AFAP1: variants seen among roughly 807,000 people sequenced by gnomAD.
AFAP1 encodes the protein actin filament associated protein 1.
In AFAP1, 75 loss-of-function variants were observed where a neutral mutation model predicts 93.9. The ratio of observed to expected loss-of-function variants is 0.80; its 90% CI spans 0.66 to 0.97. The LOEUF is 0.97. Among genes scored for constraint, AFAP1 ranks in the 50% least tolerant of loss-of-function variants. The probability of loss-of-function intolerance (pLI) is 0.00; values close to 1 mark genes in which losing one functional copy is unlikely to be tolerated. For synonymous variants in AFAP1, 517 were observed against 430.7 expected (o/e 1.20, Z -2.48); for missense variants, 1,201 against 1,050.8 (o/e 1.14, Z -1.98).
intron 12 of AFAP1, among the ~76,000 whole-genome samples, chr4:7,784,865 T>C (rs1717120039): frequency 6.6e-6 from 1 of 152,120 alleles, no homozygotes; most frequent in Non-Finnish European, 1.5e-5. Context: ...GCTATGAATT[T>C]ACGATGCCAG....
intron 9 of AFAP1, among the ~76,000 whole-genome samples, chr4:7,806,023 C>A (rs542990053): frequency 3.0e-4 from 46 of 152,254 alleles, no homozygotes; most frequent in African/African-American, 1.1e-3. Flanking sequence ...AAGGTGGAAA[C>A]GCATTTCCTG....
chr4:7,905,986 GGGGCCT>G (rs1719378972), intron 1 of AFAP1, among the ~76,000 whole-genome samples: 1 of 152,198 alleles, frequency 6.6e-6, no homozygotes, highest in South Asian at 2.1e-4. Flanking sequence ...GGCCAGCCTG[GGGGCCT>G]GCTGAAATGC....
chr4:7,811,208 C>T (rs1209799285), intron 8 of AFAP1, among the ~76,000 whole-genome samples: 1 of 152,162 alleles, frequency 6.6e-6, no homozygotes, highest in African/African-American at 2.4e-5. Flanking sequence ...CAAACCCCAG[C>T]GCCCGACCCT....
At chr4:7,883,901 T>G (rs1277800571) in intron 1 of AFAP1, among the ~76,000 whole-genome samples, 1 of 152,190 alleles carries the variant, frequency 6.6e-6, no homozygotes, top group Admixed American at 6.5e-5. Context: ...AGTTAACAAA[T>G]ATATTTCGAG....
intron 7 of AFAP1, among the ~76,000 whole-genome samples, chr4:7,816,870 A>AG (rs1395501826): frequency 1.3e-5 from 2 of 152,198 alleles, no homozygotes; most frequent in Non-Finnish European, 2.9e-5. Flanking sequence ...TCGGAATTCG[A>AG]GGGGCAATCC....
chr4:7,932,457 C>CAA (rs1721129900), intron 1 of AFAP1, among the ~76,000 whole-genome samples: 1 of 152,194 alleles, frequency 6.6e-6, no homozygotes, highest in African/African-American at 2.4e-5. Flanking sequence ...CAGCTGTTTC[C>CAA]ATTCTAGAAA....
At chr4:7,886,473 G>A (rs1369998945) in intron 1 of AFAP1, among the ~76,000 whole-genome samples, 5 of 152,288 alleles carry the variant, frequency 3.3e-5, no homozygotes, top group African/African-American at 1.2e-4. Flanking sequence ...AGGAAAGCCT[G>A]TGTTTATAAA....
chr4:7,927,497 A>C (rs1010127509), intron 1 of AFAP1, among the ~76,000 whole-genome samples: 2 of 152,232 alleles, frequency 1.3e-5, no homozygotes. Flanking sequence ...TTCAACGGAC[A>C]CGTATTGAAC....
intron 1 of AFAP1, among the ~76,000 whole-genome samples, chr4:7,913,178 C>G (rs1029889608): frequency 6.6e-6 from 1 of 152,176 alleles, no homozygotes; most frequent in Non-Finnish European, 1.5e-5. Context: ...CACTTGAACC[C>G]AGGAATTCCA....
At chr4:7,863,412 G>A (rs1284466100) in intron 3 of AFAP1, among the ~76,000 whole-genome samples, 1 of 152,080 alleles carries the variant, frequency 6.6e-6, no homozygotes. Context: ...AAGCGAGACT[G>A]CCAAGAAAGA....
At chr4:7,900,008 G>A (rs1206064040) in intron 1 of AFAP1, among the ~76,000 whole-genome samples, 2 of 152,146 alleles carry the variant, frequency 1.3e-5, no homozygotes, top group Non-Finnish European at 2.9e-5. Flanking sequence ...TCAAAGGCAT[G>A]TGCTTCCCTA....
At chr4:7,910,922 A>G (rs1165357848) in intron 1 of AFAP1, among the ~76,000 whole-genome samples, 2 of 152,192 alleles carry the variant, frequency 1.3e-5, no homozygotes, top group Non-Finnish European at 2.9e-5. Context: ...CACTCTCCTC[A>G]GTAATCACTC....
At chr4:7,899,222 C>A (rs1476165104) in intron 1 of AFAP1, among the ~76,000 whole-genome samples, 1 of 151,962 alleles carries the variant, frequency 6.6e-6, no homozygotes, top group Non-Finnish European at 1.5e-5. Context: ...AAGTTTTGCA[C>A]CTATAGGCGC....
chr4:7,857,714 C>T (rs907989513), intron 3 of AFAP1, among the ~76,000 whole-genome samples: 28 of 152,130 alleles, frequency 1.8e-4, no homozygotes, highest in African/African-American at 5.6e-4. Context: ...ATTCCTGAAA[C>T]GCAGGGTATT....
In AFAP1 at chr4:7,809,717, C is replaced by T. The variant is rs143460564; in HGVS notation, c.951G>A (p.Ser317=). The change falls in exon 9 of 18, where the codon TCG becomes TCA. Residue 317 remains serine, a synonymous_variant. Transcript: ENST00000420658. ...SSKSEAKGTV[S]KVTGKKITKI... ...TGGTGATTTTTTTCCCAGTGACTTT[C>T]GACACAGTGCCCTTGGCCTCTGATT... 31 of 1,613,924 alleles carry T rather than the reference C, an allele frequency of 1.9e-5. No individual in the cohort carries two copies. Among genetic ancestry groups the T allele is most frequent in the African/African-American group, 1.2e-4 (9 of 74,986 alleles).
chr4:7,815,986 G>A (rs1255560711), intron 8 of AFAP1, 32 bp downstream of exon 8: 2 of 1,547,968 alleles, frequency 1.3e-6, no homozygotes, highest in Non-Finnish European at 1.8e-6. Context: ...TTTTTTTAGT[G>A]TATATATGTT....
At chr4:7,816,737 G>A (rs4074746) in intron 7 of AFAP1, among the ~76,000 whole-genome samples, 6 of 152,162 alleles carry the variant, frequency 3.9e-5, no homozygotes, top group African/African-American at 1.4e-4. Flanking sequence ...TGGGGTCATA[G>A]CGGAGGGAGT....
At chr4:7,887,330 A>C (rs1718194603) in intron 1 of AFAP1, among the ~76,000 whole-genome samples, 2 of 152,252 alleles carry the variant, frequency 1.3e-5, no homozygotes, top group Admixed American at 1.3e-4. Context: ...CCCAATAATA[A>C]GCAAAGCAAA....
chr4:7,877,130 A>G (rs1390636999), intron 1 of AFAP1, among the ~76,000 whole-genome samples: 5 of 152,138 alleles, frequency 3.3e-5, no homozygotes. Context: ...TTTTTCCCTC[A>G]AGGTAGCTAG....
Sources: gnomAD v4.1 joint callset for allele counts (sites outside exome capture counted in the v4.1 genomes callset) on GRCh38, gnomAD v4.1.1 for gene constraint, MANE v1.5 for transcripts, NCBI Gene and HGNC (gene_info 2026-07-23, HGNC 2026-07-21) for gene names.